The following KIF21B variants were observed in gnomAD, a reference collection of about 807,000 sequenced individuals.
KIF21B encodes kinesin family member 21B.
In KIF21B, 85 loss-of-function variants were observed where a neutral mutation model predicts 192.9. The observed-to-expected ratio is 0.44, with a 90% confidence interval of 0.37 to 0.53. KIF21B has a LOEUF of 0.53. Among genes scored for constraint, KIF21B ranks in the 20% least tolerant of loss-of-function variants. KIF21B has a pLI of 0.00. For synonymous variants in KIF21B, 832 were observed against 884.6 expected, an observed-to-expected ratio of 0.94 and a Z score of 1.05; for missense variants, 1,716 against 2,194.8, an observed-to-expected ratio of 0.78 and a Z score of 4.36.
At chr1:201,016,782 C>T (rs1395975767) in intron 1 of KIF21B, among the ~76,000 whole-genome samples, 1 of 152,194 alleles carries the variant, frequency 6.6e-6, no homozygotes, top group African/African-American at 2.4e-5. Context: ...CTCTCAGACC[C>T]TTCCCCAGGC....
intron 14 of KIF21B, among the ~76,000 whole-genome samples, chr1:200,996,849 A>T (rs950263157): frequency 6.6e-6 from 1 of 152,082 alleles, no homozygotes; most frequent in African/African-American, 2.4e-5. Context: ...ACCAACAGAC[A>T]TCTCCAACTT....
At chr1:201,015,209 A>G (rs777688677) in intron 1 of KIF21B, among the ~76,000 whole-genome samples, 8 of 152,238 alleles carry the variant, frequency 5.3e-5, no homozygotes, top group African/African-American at 1.7e-4. Context: ...CTGAAGATTC[A>G]ATCCAGGGGA....
At chr1:200,985,345 G>A (rs899736427) in intron 26 of KIF21B, among the ~76,000 whole-genome samples, 6 of 152,032 alleles carry the variant, frequency 3.9e-5, no homozygotes, top group Admixed American at 2.0e-4. Context: ...AAAATTAGGC[G>A]GGCATGGTGG....
At position 200,973,499 on chromosome 1, in the gene KIF21B, G is replaced by A; in HGVS notation, c.*22C>T. ...CAGGCTGCTGGGGTCGAGGGTCCGG[G>A]GGCATCCCTCTGACCTCACTCCTAG... On this transcript the variant is annotated 3_prime_UTR_variant, in exon 35 of 35. Coordinates refer to ENST00000461742, the MANE Select transcript of KIF21B (RefSeq NM_001252102.2). 1 of 1,439,388 alleles carries A rather than the reference G, an allele frequency of 6.9e-7. No homozygotes were observed. The allele number at this position is 1,439,388 out of a possible 1,614,324, so 89.2% of individuals were successfully genotyped here.
In KIF21B at chr1:200,975,549, G is replaced by A. The variant is rs769986420; in HGVS notation, c.4564C>T (p.Arg1522Ter). 6 of 1,613,724 alleles carry A rather than the reference G, an allele frequency of 3.7e-6. No individual in the cohort carries two copies. The highest frequency in any genetic ancestry group is 2.7e-5 in the African/African-American group (2 of 74,908). Residue 1522 changes from arginine to a stop codon, truncating the protein, a stop_gained, in exon 33 of 35, where the codon CGA (arginine) becomes TGA (stop). Transcript: ENST00000461742. LOFTEE classifies it high-confidence loss of function. This position sits in a 1 kb window ranked among gnomAD's most constrained non-coding sequence, Gnocchi z 4.3. ...TCCCACTTCTTGATGCCGTTATCTCGGGAGCCACTGAACAGGATGTCTCCC... is the reference window on the plus strand; with the variant it reads ...TCCCACTTCTTGATGCCGTTATCTCAGGAGCCACTGAACAGGATGTCTCCC... ...IQGDILFSGS[R>*]DNGIKKWDLD...
rs1186727166 is a variant in KIF21B at position 200,998,897 on chromosome 1, T to A, written c.1886-322A>T. 6.6e-6 allele frequency among the ~76,000 whole-genome samples: 1 copy of A among 152,130 alleles called. No individual in the cohort carries two copies. The highest frequency in any genetic ancestry group is 2.4e-5 in the African/African-American group (1 of 41,424). ...CTTCAGTGGAGGAGGGTGAGATGGCTGAGAGCAACTTACAGGGCTAGGGCC... is the reference window on the plus strand; with the variant it reads ...CTTCAGTGGAGGAGGGTGAGATGGCAGAGAGCAACTTACAGGGCTAGGGCC... On this transcript the variant is annotated intron_variant, in intron 13 of 34. Transcript: ENST00000461742. The surrounding 1 kb of genome is among the most constrained non-coding windows in gnomAD (Gnocchi z 4.3).
Position 200,996,324 on chromosome 1 carries a change from T to A in KIF21B, c.2149A>T (p.Met717Leu). The change falls in exon 15 of 35, where the codon ATG becomes TTG. Residue 717 changes from methionine (M) to leucine (L), a missense_variant. Transcript: ENST00000461742. ...KADYEKRLRE[M>L]NRDLQKLQAA... ...TGCAGCTTCTGCAGGTCCCGGTTCATCTCCCGCAGCCTCTTCTCATAGTCT... is the reference window on the plus strand; with the variant it reads ...TGCAGCTTCTGCAGGTCCCGGTTCAACTCCCGCAGCCTCTTCTCATAGTCT... 1 of 1,614,150 alleles carries A rather than the reference T, an allele frequency of 6.2e-7. No homozygotes were observed. Among genetic ancestry groups the A allele is most frequent in the Non-Finnish European group, 8.5e-7 (1 of 1,180,022 alleles).
chr1:200,979,858 A>G (rs1362156421), intron 29 of KIF21B, 143 bp from the exon 30 acceptor site: 3 of 585,038 alleles, frequency 5.1e-6, no homozygotes, highest in African/African-American at 3.8e-5. Flanking sequence ...CTGAAGAGGA[A>G]AAAAACACAT....
Position 201,023,367 on chromosome 1 carries a change from TC to T in KIF21B, c.16del (p.Asp6ThrfsTer63), listed in dbSNP as rs1431370494. 1 of 1,527,574 alleles carries T rather than the reference TC, an allele frequency of 6.5e-7. No individual in the cohort carries two copies. Among genetic ancestry groups the T allele is most frequent in the Non-Finnish European group, 8.8e-7 (1 of 1,139,746 alleles). 94.6% of individuals were successfully genotyped at this position (1,527,574 alleles called of 1,614,324 possible). A position where few individuals can be genotyped will look rare whatever the true frequency, so the allele number is the denominator to read the frequency against. On this transcript the variant is annotated frameshift_variant, in exon 1 of 35. Transcript: ENST00000461742. LOFTEE classifies it high-confidence loss of function. This position sits in a 1 kb window ranked among gnomAD's most constrained non-coding sequence, Gnocchi z 5.9. MAGQG[D>X]CCVKVAVRIR... Reference sequence around the variant, plus strand: ...CCTGACGGCCACCTTGACGCAGCAGTCCCCCTGGCCGGCCATGGCCCTCTGG... The same window carrying T: ...CCTGACGGCCACCTTGACGCAGCAGTCCCCTGGCCGGCCATGGCCCTCTGG...
chr1:201,009,503 G>A lies in KIF21B; in HGVS notation c.42-15C>T, dbSNP rs780835767. 6.2e-7 allele frequency: 1 copy of A among 1,611,174 alleles called. No individual in the cohort carries two copies. The highest frequency in any genetic ancestry group is 1.1e-5 in the South Asian group (1 of 90,784). ...GGGGCCGGATCCTGCCCATGATGGA[G>A]AGAGCCCTGGGTCAGGCCCAGCTAG... On this transcript the variant is annotated splice_polypyrimidine_tract_variant and intron_variant, in intron 1 of 34. Transcript: ENST00000461742.
chr1:201,010,468 C>T (rs1478469553), intron 1 of KIF21B, among the ~76,000 whole-genome samples: 6 of 152,118 alleles, frequency 3.9e-5, no homozygotes, highest in Admixed American at 2.0e-4. Context: ...GCCATCACCA[C>T]GACATGGTTC....
Position 200,999,813 on chromosome 1 carries a change from G to A in KIF21B, c.1767+70C>T. On this transcript the variant is annotated intron_variant, in intron 12 of 34. Transcript: ENST00000461742. The surrounding 1 kb of genome is among the most constrained non-coding windows in gnomAD (Gnocchi z 4.7). ...TTCACTCCATACAAGGATGCGGATG[G>A]GGCCCCCGCCAACCCCAGCAGGGAC... The A allele has an allele frequency of 6.5e-7, 1 of 1,548,944 alleles. No homozygotes were observed.
At position 200,972,973 on chromosome 1, in the gene KIF21B, T is replaced by C. The variant is rs1200699404; in HGVS notation, c.*548A>G. The stretch of plus-strand genomic sequence containing the variant: ...GACCCCAGGGAACTGTTGGGGCCAG[T>C]TGGGGCTATCTGCGGGTTGCCAGAG... On this transcript the variant is annotated 3_prime_UTR_variant, in exon 35 of 35. Coordinates refer to ENST00000461742, the MANE Select transcript of KIF21B (RefSeq NM_001252102.2). 2 of 153,140 alleles carry C rather than the reference T, an allele frequency of 1.3e-5. No individual in the cohort carries two copies. Among genetic ancestry groups the C allele is most frequent in the Non-Finnish European group, 1.5e-5 (1 of 68,412 alleles). The allele number at this position is 153,140 out of a possible 1,614,324, so 9.5% of individuals were successfully genotyped here.
intron 28 of KIF21B, 24 bp from the exon 29 acceptor site, chr1:200,981,120 G>C: frequency 6.4e-7 from 1 of 1,571,074 alleles, no homozygotes; most frequent in Non-Finnish European, 8.6e-7. Flanking sequence ...AGGGAGAGAA[G>C]GCATGCTCGT....
At chr1:200,979,965 C>T (rs1287049822) in intron 29 of KIF21B, among the ~76,000 whole-genome samples, 3 of 152,184 alleles carry the variant, frequency 2.0e-5, no homozygotes, top group African/African-American at 7.2e-5. Context: ...GCAAACTTTC[C>T]ACTAACACCA....
At chr1:201,011,013 C>T (rs1206464149) in intron 1 of KIF21B, among the ~76,000 whole-genome samples, 28 of 152,184 alleles carry the variant, frequency 1.8e-4, no homozygotes, top group Admixed American at 1.8e-3. Context: ...TGAACAGGTT[C>T]TTATAGGTCA....
At position 200,996,254 on chromosome 1, in the gene KIF21B, C is replaced by T. The variant is rs753937959; in HGVS notation, c.2219G>A (p.Arg740His). The T allele has an allele frequency of 9.9e-6, 16 of 1,613,934 alleles. No homozygotes were observed. In the East Asian group the frequency reaches 2.0e-4, roughly 20 times the overall value. ...EHARLLKNQS[R>H]YERELKKLQA... ...TAGCTTCTTCAGCTCCCTCTCGTAGCGCGACTGGTTCTTAAGCAGCCGGGC... is the reference window on the plus strand; with the variant it reads ...TAGCTTCTTCAGCTCCCTCTCGTAGTGCGACTGGTTCTTAAGCAGCCGGGC... The change falls in exon 15 of 35, where the codon CGC becomes CAC. Residue 740 changes from arginine (R) to histidine (H), a missense_variant. By Grantham distance (29) the Arg-to-His change is conservative. Coordinates refer to ENST00000461742, the MANE Select transcript of KIF21B (RefSeq NM_001252102.2).
At chr1:200,984,767 G>T in intron 27 of KIF21B, 92 bp downstream of exon 27, 2 of 918,176 alleles carry the variant, frequency 2.2e-6, no homozygotes, top group Non-Finnish European at 3.2e-6. Context: ...GGGTTGGCTT[G>T]GCCACCTGAG....
intron 27 of KIF21B, among the ~76,000 whole-genome samples, chr1:200,983,778 TC>T (rs931610857): frequency 5.3e-5 from 8 of 151,824 alleles, no homozygotes; most frequent in African/African-American, 1.9e-4. Context: ...GATCCATGGC[TC>T]CCCCCACAGC....
Sources: allele counts gnomAD v4.1 joint callset (sites outside exome capture counted in the v4.1 genomes callset), GRCh38; gene constraint gnomAD v4.1.1; non-coding constraint Gnocchi (gnomAD v3.1); transcripts MANE v1.5; gene names NCBI Gene and HGNC (gene_info 2026-07-23, HGNC 2026-07-21).